The following ZNF160 variants were observed in gnomAD, a reference collection of about 807,000 sequenced individuals.
ZNF160 encodes zinc finger protein 160, also known as KRAB zinc finger protein KR18.
Under a neutral mutation model 13.1 loss-of-function variants are expected in ZNF160, and 9 were observed. The observed-to-expected ratio is 0.69, with a 90% CI of 0.41 to 1.20. ZNF160 has a LOEUF of 1.20. Ranked by LOEUF, ZNF160 falls within the 50% of genes most tolerant of loss-of-function variation. The pLI is 0.01. For synonymous variants in ZNF160, 293 were observed against 333.2 expected, an observed-to-expected ratio of 0.88 and a Z score of 1.31; for missense variants, 838 against 988.0, an observed-to-expected ratio of 0.85 and a Z score of 2.04.
At chr19:53,078,064 A>C (rs1378704652) in intron 3 of ZNF160, among the ~76,000 whole-genome samples, 4 of 152,148 alleles carry the variant, frequency 2.6e-5, no homozygotes, top group Admixed American at 1.3e-4. Flanking sequence ...ACATGATGAA[A>C]CCTCATCTCT....
At position 53,098,798 on chromosome 19, in the gene ZNF160, G is replaced by C. The variant is rs1046467167; in HGVS notation, c.-354+4467C>G. Reference sequence around the variant, plus strand: ...GGCCACCGGGCCCCGGTGATGTGTAGAGCGCGGAAGACCCGGGAGCTGGAG... The same window carrying C: ...GGCCACCGGGCCCCGGTGATGTGTACAGCGCGGAAGACCCGGGAGCTGGAG... On this transcript the variant is annotated intron_variant, in intron 1 of 5. Coordinates refer to ENST00000683776, the MANE Select transcript of ZNF160 (RefSeq NM_001322131.2). Among the ~76,000 whole-genome samples, 12 of 151,296 alleles carry C rather than the reference G, an allele frequency of 7.9e-5. No homozygotes were observed. In the South Asian group the frequency reaches 1.0e-3, roughly 13 times the overall value.
chr19:53,069,664 G>A lies in ZNF160; in HGVS notation c.870C>T (p.Cys290=), dbSNP rs10407463. ...TTGAACGAACAGTAAAGGTTTTGCC[G>A]CACTCACTGCATTTGTAAGGCTTCT... The part of the protein sequence containing the change: ...SGEKPYKCSE[C]GKTFTVRSNL... Residue 290 remains cysteine, a synonymous_variant, in exon 6 of 6, where the codon TGC becomes TGT. Coordinates refer to ENST00000683776, the MANE Select transcript of ZNF160 (RefSeq NM_001322131.2). The surrounding 1 kb of genome is among the most constrained non-coding windows in gnomAD (Gnocchi z 4.4). 0.14 allele frequency: 231,217 copies of A among 1,613,918 alleles called. 17,468 individuals carry two copies. The highest frequency in any genetic ancestry group is 0.23 in the African/African-American group (17,279 of 74,946).
At chr19:53,090,192 T>A (rs10426984) in intron 2 of ZNF160, among the ~76,000 whole-genome samples, 52,219 of 151,854 alleles carry the variant, frequency 0.34, 9,225 homozygotes, top group South Asian at 0.38. Context: ...ACCACATTGC[T>A]GTCTGCCCTG....
At chr19:53,101,865 T>C (rs17372410) in intron 1 of ZNF160, among the ~76,000 whole-genome samples, 9,833 of 152,290 alleles carry the variant, frequency 0.065, 406 homozygotes, top group East Asian at 0.11. Flanking sequence ...TCCTTATATG[T>C]AGAATTTAAA....
At chr19:53,075,611 A>C in intron 3 of ZNF160, 1 of 378,582 alleles carries the variant, frequency 2.6e-6, no homozygotes, top group Non-Finnish European at 5.2e-6. Context: ...GCCTCCATGA[A>C]AACTCAAAAA....
Position 53,091,654 on chromosome 19 carries a change from C to T in ZNF160, c.-287G>A, listed in dbSNP as rs1161821941. 1 of 152,262 alleles carries T rather than the reference C, an allele frequency of 6.6e-6. No individual in the cohort carries two copies. Among genetic ancestry groups the T allele is most frequent in the Admixed American group, 6.5e-5 (1 of 15,280 alleles). The allele number at this position is 152,262 out of a possible 1,614,324, so 9.4% of individuals were successfully genotyped here. A position where few individuals can be genotyped will look rare whatever the true frequency, so the allele number is the denominator to read the frequency against. ...AGACCTACCAGCGAGGCTGAAGCCA[C>T]TCAGTGGGCTGGGAGCCGGGATCTC... On this transcript the variant is annotated 5_prime_UTR_variant, in exon 2 of 6. In the 5' UTR this introduces an upstream ATG that the reference lacks. Transcript: ENST00000683776.
At chr19:53,092,265 C>T (rs928969532) in intron 1 of ZNF160, among the ~76,000 whole-genome samples, 5 of 152,148 alleles carry the variant, frequency 3.3e-5, no homozygotes, top group Non-Finnish European at 7.4e-5. Flanking sequence ...TTTATATTCA[C>T]CTCAAGGGTA....
chr19:53,076,446 C>T (rs986549429), intron 3 of ZNF160, among the ~76,000 whole-genome samples: 1 of 152,160 alleles, frequency 6.6e-6, no homozygotes, highest in East Asian at 1.9e-4. Context: ...TCAAGACCAG[C>T]CTGGCCAACA....
Position 53,089,139 on chromosome 19 carries a change from G to A in ZNF160, c.-46+2274C>T, listed in dbSNP as rs556090974. Among the ~76,000 whole-genome samples, 160 of 152,294 alleles carry A rather than the reference G, an allele frequency of 1.1e-3. 1 individual carries two copies. Among genetic ancestry groups the A allele is most frequent in the African/African-American group, 3.8e-3 (157 of 41,570 alleles). ...CAAGTGAATCCCCAATTTACAGTTG[G>A]TCGCCCAGAAGTTCAGGTCCCAACC... On this transcript the variant is annotated intron_variant, in intron 2 of 5. Coordinates refer to ENST00000683776, the MANE Select transcript of ZNF160 (RefSeq NM_001322131.2).
At chr19:53,097,811 G>A (rs2085292493) in intron 1 of ZNF160, among the ~76,000 whole-genome samples, 1 of 152,100 alleles carries the variant, frequency 6.6e-6, no homozygotes, top group Non-Finnish European at 1.5e-5. Flanking sequence ...TTCCTCTATG[G>A]GTTTCAGGAT....
intron 3 of ZNF160, among the ~76,000 whole-genome samples, chr19:53,083,910 A>T (rs1176468732): frequency 1.3e-5 from 2 of 152,090 alleles, no homozygotes; most frequent in East Asian, 1.9e-4. Context: ...GGAGTGAGTT[A>T]TTATTTTTTT....
chr19:53,099,954 A>G (rs1036292604), intron 1 of ZNF160, among the ~76,000 whole-genome samples: 9 of 152,366 alleles, frequency 5.9e-5, no homozygotes, highest in African/African-American at 1.9e-4. Context: ...GGAAAATTCC[A>G]GGATCTTCTT....
chr19:53,103,003 C>G (rs1171833098), intron 1 of ZNF160, among the ~76,000 whole-genome samples: 1 of 152,122 alleles, frequency 6.6e-6, no homozygotes, highest in East Asian at 1.9e-4. Context: ...GGGACTGGGT[C>G]GGCGGCGCTG....
At chr19:53,076,939 A>G (rs2084415005) in intron 3 of ZNF160, 1 of 152,072 alleles carries the variant, frequency 6.6e-6, no homozygotes, top group African/African-American at 2.4e-5. Flanking sequence ...TTCCTGTAAC[A>G]CAACACAAGG....
chr19:53,093,667 G>T (rs10401960), intron 1 of ZNF160: 33,709 of 151,904 alleles, frequency 0.22, 3,974 homozygotes, highest in Middle Eastern at 0.27. Flanking sequence ...AATTATCCAG[G>T]TGTGGTGGTG....
At chr19:53,073,630 C>T (rs1453242985) in intron 5 of ZNF160, 6 of 1,314,852 alleles carry the variant, frequency 4.6e-6, no homozygotes, top group East Asian at 2.6e-5. Flanking sequence ...GAATTAAATA[C>T]AGAGGGAGAG....
At chr19:53,081,601 T>G (rs963576352) in intron 3 of ZNF160, among the ~76,000 whole-genome samples, 4 of 145,560 alleles carry the variant, frequency 2.7e-5, no homozygotes, top group African/African-American at 1.0e-4. Flanking sequence ...TACTAAAAAG[T>G]AAAAAAAAAA....
At chr19:53,093,321 C>T (rs975579975) in intron 1 of ZNF160, among the ~76,000 whole-genome samples, 4 of 152,120 alleles carry the variant, frequency 2.6e-5, no homozygotes, top group African/African-American at 9.7e-5. Flanking sequence ...CGCCTGTTAT[C>T]CCAGTTACTA....
At chr19:53,085,900 G>T in intron 3 of ZNF160, 1 of 788,050 alleles carries the variant, frequency 1.3e-6, no homozygotes, top group South Asian at 1.7e-5. Context: ...GTGTGCACCT[G>T]ACTTCATGGG....
Sources: allele counts gnomAD v4.1 joint callset (sites outside exome capture counted in the v4.1 genomes callset), GRCh38; gene constraint gnomAD v4.1.1; non-coding constraint Gnocchi (gnomAD v3.1); transcripts MANE v1.5; gene names NCBI Gene and HGNC (gene_info 2026-07-23, HGNC 2026-07-21).